FAM184B: variants seen among roughly 807,000 people sequenced by gnomAD.
FAM184B encodes protein FAM184B.
Under a neutral mutation model 135.9 loss-of-function variants are expected in FAM184B, and 111 were observed. The observed-to-expected ratio is 0.82, with a 90% CI of 0.70 to 0.96. The LOEUF (loss-of-function observed/expected upper bound fraction) is 0.96. Ranked by LOEUF, FAM184B falls within the 40% of genes least tolerant of loss-of-function variation. FAM184B has a pLI of 0.00. For missense variants in FAM184B, 1,375 were observed against 1,323.9 expected (o/e 1.04, Z -0.60); for synonymous variants, 552 against 524.8 (o/e 1.05, Z -0.71).
At chr4:17,699,928 G>A (rs1716948165) in intron 5 of FAM184B, among the ~76,000 whole-genome samples, 1 of 152,006 alleles carries the variant, frequency 6.6e-6, no homozygotes, top group African/African-American at 2.4e-5. Flanking sequence ...GAACACAAAG[G>A]GTGAAATGAA....
intron 1 of FAM184B, among the ~76,000 whole-genome samples, chr4:17,721,388 A>G (rs2108972496): frequency 6.8e-6 from 1 of 147,186 alleles, no homozygotes; most frequent in East Asian, 2.0e-4. Flanking sequence ...TGTCTCAAAA[A>G]AAAAAAAAAA....
At position 17,629,871 on chromosome 4, in the gene FAM184B, T is replaced by A. The variant is rs1290468916; in HGVS notation, c.*2661A>T. 6.6e-6 allele frequency: 1 copy of A among 152,234 alleles called. No homozygotes were observed. The highest frequency in any genetic ancestry group is 1.5e-5 in the Non-Finnish European group (1 of 68,046). The allele number at this position is 152,234 out of a possible 1,614,324, so 9.4% of individuals were successfully genotyped here. A position where few individuals can be genotyped will look rare whatever the true frequency, so the allele number is the denominator to read the frequency against. On this transcript the variant is annotated 3_prime_UTR_variant, in exon 18 of 18. Transcript: ENST00000265018. ...TAAGGGTGTAAATTGTTAGAAACTTTCTGAATGGCAGTTTGGTAATAACAA... is the reference window on the plus strand; with the variant it reads ...TAAGGGTGTAAATTGTTAGAAACTTACTGAATGGCAGTTTGGTAATAACAA...
chr4:17,774,098 C>T (rs1025162842), intron 1 of FAM184B, among the ~76,000 whole-genome samples: 8 of 152,102 alleles, frequency 5.3e-5, no homozygotes, highest in South Asian at 2.1e-4. Context: ...CAGGTAAGGC[C>T]GAGAGTGGCG....
At chr4:17,708,597 A>G (rs1195473443) in intron 2 of FAM184B, among the ~76,000 whole-genome samples, 1 of 144,942 alleles carries the variant, frequency 6.9e-6, no homozygotes, top group Non-Finnish European at 1.5e-5. Flanking sequence ...GTGAGCTGAG[A>G]TCGCACCACT....
At chr4:17,651,616 A>T (rs1715620796) in intron 11 of FAM184B, among the ~76,000 whole-genome samples, 1 of 151,324 alleles carries the variant, frequency 6.6e-6, no homozygotes. Flanking sequence ...AGATAGACTT[A>T]CTGCATACCA....
intron 5 of FAM184B, among the ~76,000 whole-genome samples, chr4:17,695,202 A>G (rs1178734896): frequency 2.0e-5 from 3 of 150,936 alleles, no homozygotes; most frequent in East Asian, 3.9e-4. Context: ...TCTGTCACCC[A>G]GACTGGATGG....
intron 1 of FAM184B, among the ~76,000 whole-genome samples, chr4:17,745,131 C>T: frequency 6.6e-6 from 1 of 152,188 alleles, no homozygotes; most frequent in East Asian, 1.9e-4. Flanking sequence ...AAGTCCAAAC[C>T]TATAAACTTG....
At chr4:17,688,596 C>A in intron 6 of FAM184B, 65 bp from the exon 7 acceptor site, 2 of 1,172,646 alleles carry the variant, frequency 1.7e-6, no homozygotes, top group Non-Finnish European at 2.4e-6. Flanking sequence ...TACAGTCATT[C>A]ATCCGGGAAT....
At chr4:17,642,521 C>T (rs1412311419) in intron 12 of FAM184B, among the ~76,000 whole-genome samples, 3 of 152,210 alleles carry the variant, frequency 2.0e-5, no homozygotes, top group African/African-American at 7.2e-5. Context: ...TGCCAGGGTG[C>T]CCTCCATGCC....
chr4:17,760,359 G>C (rs1437201135), intron 1 of FAM184B, among the ~76,000 whole-genome samples: 1 of 151,776 alleles, frequency 6.6e-6, no homozygotes, highest in African/African-American at 2.4e-5. Context: ...AGGTACTCAG[G>C]TTGCTGAGGC....
At chr4:17,654,342 T>C (rs1174547015) in intron 10 of FAM184B, among the ~76,000 whole-genome samples, 1 of 152,106 alleles carries the variant, frequency 6.6e-6, no homozygotes. Flanking sequence ...CCCTCATCTT[T>C]TTAAACTCTT....
intron 7 of FAM184B, among the ~76,000 whole-genome samples, chr4:17,681,218 G>A (rs960395343): frequency 2.6e-5 from 4 of 152,202 alleles, no homozygotes; most frequent in African/African-American, 9.6e-5. Flanking sequence ...TGGTTTCTCT[G>A]TAAGAGTCTC....
chr4:17,674,873 G>A (rs1716275932), intron 7 of FAM184B, among the ~76,000 whole-genome samples: 1 of 152,092 alleles, frequency 6.6e-6, no homozygotes, highest in Admixed American at 6.6e-5. Context: ...ACATCATCAG[G>A]CTTTACATTT....
intron 7 of FAM184B, among the ~76,000 whole-genome samples, chr4:17,684,138 TATAAAATAATTATATA>T (rs1716516017): frequency 1.7e-5 from 2 of 119,324 alleles, no homozygotes; most frequent in African/African-American, 5.5e-5. Flanking sequence ...AATAATTATA[TATAAAATAATTATATA>T]ATAAAATATA....
At chr4:17,634,298 G>GTAC (rs1715058816) in intron 16 of FAM184B, among the ~76,000 whole-genome samples, 2 of 152,178 alleles carry the variant, frequency 1.3e-5, no homozygotes, top group Non-Finnish European at 2.9e-5. Context: ...AGTCACAAGT[G>GTAC]TATTGTCCTG....
At chr4:17,779,960 G>T (rs1719003203) in intron 1 of FAM184B, among the ~76,000 whole-genome samples, 1 of 152,200 alleles carries the variant, frequency 6.6e-6, no homozygotes, top group Non-Finnish European at 1.5e-5. Context: ...ATGAATGTAG[G>T]TTAGATCAAT....
chr4:17,734,582 G>C (rs563493856), intron 1 of FAM184B, among the ~76,000 whole-genome samples: 148 of 152,114 alleles, frequency 9.7e-4, no homozygotes, highest in African/African-American at 3.3e-3. Context: ...ATGCAAAAAT[G>C]CTCACCATCA....
At chr4:17,720,714 C>T (rs1560185214) in intron 1 of FAM184B, among the ~76,000 whole-genome samples, 5 of 151,286 alleles carry the variant, frequency 3.3e-5, no homozygotes, top group Admixed American at 2.6e-4. Flanking sequence ...GGTGAAACCC[C>T]GTCTCTACTA....
At chr4:17,760,371 G>C (rs1718518168) in intron 1 of FAM184B, among the ~76,000 whole-genome samples, 2 of 151,956 alleles carry the variant, frequency 1.3e-5, no homozygotes, top group Admixed American at 1.3e-4. Flanking sequence ...TGCTGAGGCA[G>C]GAGAATTGCT....
Sources: gnomAD v4.1 joint callset for allele counts (sites outside exome capture counted in the v4.1 genomes callset) on GRCh38, gnomAD v4.1.1 for gene constraint, MANE v1.5 for transcripts, NCBI Gene and HGNC (gene_info 2026-07-23, HGNC 2026-07-21) for gene names.